Variants in PPP6R2 observed in about 807,000 individuals in gnomAD.
The protein encoded by PPP6R2 is protein phosphatase 6 regulatory subunit 2.
A neutral mutation model predicts 100.2 loss-of-function variants in PPP6R2; 62 were observed. The observed-to-expected ratio is 0.62, with a 90% CI of 0.50 to 0.76. The LOEUF (loss-of-function observed/expected upper bound fraction) is 0.76, where lower values mean the gene tolerates loss of function less well. Ranked by LOEUF, PPP6R2 falls within the 30% of genes least tolerant of loss-of-function variation. The pLI, the probability that PPP6R2 is intolerant of heterozygous loss-of-function variation, is 0.00. For missense variants in PPP6R2, 1,142 were observed against 1,276.3 expected, an observed-to-expected ratio of 0.89 and a Z score of 1.60; for synonymous variants, 525 against 514.7, an observed-to-expected ratio of 1.02 and a Z score of -0.27.
chr22:50,384,041 A>C (rs7291709), intron 2 of PPP6R2, among the ~76,000 whole-genome samples: 40 of 140,754 alleles, frequency 2.8e-4, no homozygotes, highest in East Asian at 6.4e-4. Flanking sequence ...ATCTCAAAAA[A>C]AAAAAAAAAA....
intron 1 of PPP6R2, among the ~76,000 whole-genome samples, chr22:50,359,253 C>G (rs1405630148): frequency 7.1e-6 from 1 of 140,084 alleles, no homozygotes; most frequent in Non-Finnish European, 1.5e-5. Flanking sequence ...GAGTCTTGCT[C>G]TGTCGCCCAG....
chr22:50,444,027 C>T lies in PPP6R2; in HGVS notation c.2741C>T (p.Ala914Val). The change falls in exon 23 of 24, where the codon GCA becomes GTA. Residue 914 changes from alanine to valine, a missense_variant. Physicochemically the swap from Ala to Val is moderately conservative, Grantham distance 64. Transcript: ENST00000612753. The part of the protein sequence containing the change: ...PAIPTPAVSS[A>V]LAVAVPLGPI... ...ATACCCACCCCAGCAGTCTCTTCTGCACTGGCCGTGGCGGTCCCCCTAGGG... is the reference window on the plus strand; with the variant it reads ...ATACCCACCCCAGCAGTCTCTTCTGTACTGGCCGTGGCGGTCCCCCTAGGG... 1 of 1,613,534 alleles carries T rather than the reference C, an allele frequency of 6.2e-7. No homozygotes were observed. The highest frequency in any genetic ancestry group is 1.7e-5 in the Admixed American group (1 of 60,020).
intron 1 of PPP6R2, among the ~76,000 whole-genome samples, chr22:50,360,350 C>T (rs937521429): frequency 4.4e-5 from 6 of 135,360 alleles, no homozygotes; most frequent in African/African-American, 8.3e-5. Context: ...CATGCTCAGC[C>T]TTTTTTTTTT....
chr22:50,337,949 ATGTGTGTGGTG>A, the PPP6R2 span, among the ~76,000 whole-genome samples: 2 of 61,860 alleles, frequency 3.2e-5, no homozygotes, highest in Non-Finnish European at 6.4e-5. Context: ...TGTGTGTGTG[ATGTGTGTGGTG>A]TGTGTGGGTG....
At chr22:50,421,709 G>A (rs150704577) in intron 8 of PPP6R2, among the ~76,000 whole-genome samples, 1 of 151,906 alleles carries the variant, frequency 6.6e-6, no homozygotes, top group African/African-American at 2.4e-5. Context: ...TCAGGTGATC[G>A]AGACCAGCCT....
At chr22:50,417,281 A>G (rs2060670981) in intron 6 of PPP6R2, among the ~76,000 whole-genome samples, 1 of 152,114 alleles carries the variant, frequency 6.6e-6, no homozygotes, top group African/African-American at 2.4e-5. Flanking sequence ...CACAACGTGG[A>G]GCTGAGCTTT....
chr22:50,393,116 T>G (rs1464563459), intron 2 of PPP6R2, among the ~76,000 whole-genome samples: 1 of 152,206 alleles, frequency 6.6e-6, no homozygotes, highest in Non-Finnish European at 1.5e-5. Context: ...TAGGAAGGAC[T>G]GTCCAGACAA....
chr22:50,439,346 G>A (rs1204467240), intron 19 of PPP6R2, among the ~76,000 whole-genome samples: 2 of 152,166 alleles, frequency 1.3e-5, no homozygotes, highest in Non-Finnish European at 2.9e-5. Context: ...GCCAGGAAGG[G>A]GCCAGTGGTG....
chr22:50,441,051 G>A, intron 22 of PPP6R2, 25 bp downstream of exon 22: 1 of 1,511,182 alleles, frequency 6.6e-7, no homozygotes, highest in East Asian at 2.4e-5. Context: ...GCGGGGGCGG[G>A]CCTGCCGGGT....
At chr22:50,410,977 A>G (rs2059672078) in intron 4 of PPP6R2, among the ~76,000 whole-genome samples, 1 of 152,076 alleles carries the variant, frequency 6.6e-6, no homozygotes, top group Non-Finnish European at 1.5e-5. Flanking sequence ...TTTTTAGTAG[A>G]GATGGGGTTT....
intron 2 of PPP6R2, among the ~76,000 whole-genome samples, chr22:50,376,883 C>T (rs1033922252): frequency 1.1e-4 from 17 of 151,834 alleles, no homozygotes; most frequent in South Asian, 2.1e-4. Context: ...AAAAATTAGC[C>T]GGGCGCGGTG....
the PPP6R2 span, among the ~76,000 whole-genome samples, chr22:50,332,841 C>G: frequency 6.6e-6 from 1 of 152,052 alleles, no homozygotes; most frequent in Non-Finnish European, 1.5e-5. Context: ...CCAGGATGGT[C>G]TTGATCTCTT....
At chr22:50,409,561 G>A (rs1207127531) in intron 4 of PPP6R2, among the ~76,000 whole-genome samples, 7 of 152,094 alleles carry the variant, frequency 4.6e-5, no homozygotes, top group African/African-American at 7.2e-5. Context: ...CCCAGTAGCC[G>A]GGTCTGCAGG....
intron 5 of PPP6R2, 101 bp downstream of exon 5, chr22:50,414,790 T>C: frequency 7.6e-7 from 1 of 1,324,348 alleles, no homozygotes; most frequent in African/African-American, 1.5e-5. Context: ...CCGGCCCCCA[T>C]CTCTCCACCT....
chr22:50,339,890 GGGTGTGT>G (rs2042352192), upstream of PPP6R2, among the ~76,000 whole-genome samples: 1 of 101,940 alleles, frequency 9.8e-6, no homozygotes, highest in Non-Finnish European at 2.0e-5. Flanking sequence ...TGTGTGTGTG[GGGTGTGT>G]GGTGTGTGTG....
At chr22:50,356,370 G>A (rs1441162498) in intron 1 of PPP6R2, among the ~76,000 whole-genome samples, 1 of 147,032 alleles carries the variant, frequency 6.8e-6, no homozygotes, top group African/African-American at 2.5e-5. Flanking sequence ...TGGAATGATC[G>A]TTGTCACAGA....
the PPP6R2 span, among the ~76,000 whole-genome samples, chr22:50,336,583 T>G: frequency 5.9e-5 from 9 of 151,282 alleles, no homozygotes; most frequent in Admixed American, 2.6e-4. Context: ...TTTTAGAGAC[T>G]GGGTCTCACC....
intron 5 of PPP6R2, among the ~76,000 whole-genome samples, chr22:50,415,116 T>C (rs2060344117): frequency 6.6e-6 from 1 of 152,072 alleles, no homozygotes; most frequent in African/African-American, 2.4e-5. Context: ...TACCCTGGAG[T>C]GTGGATGCGT....
chr22:50,375,699 A>G (rs1602604197), intron 2 of PPP6R2, among the ~76,000 whole-genome samples: 1 of 152,102 alleles, frequency 6.6e-6, no homozygotes, highest in Non-Finnish European at 1.5e-5. Context: ...GCCCAGTTAC[A>G]TTGCCTGGTA....
Sources: allele counts gnomAD v4.1 joint callset (sites outside exome capture counted in the v4.1 genomes callset), GRCh38; gene constraint gnomAD v4.1.1; transcripts MANE v1.5; gene names NCBI Gene and HGNC (gene_info 2026-07-23, HGNC 2026-07-21).